Variants in NTM observed in about 807,000 individuals in gnomAD.
NTM encodes the protein neurotrimin, also known as IgLON family member 2.
NTM carries 13 observed loss-of-function variants against 42.1 expected under a neutral mutation model. The observed-to-expected ratio is 0.31, with a 90% CI of 0.20 to 0.49. The LOEUF (loss-of-function observed/expected upper bound fraction) is 0.49. Ranked by LOEUF, NTM falls within the 20% of genes least tolerant of loss-of-function variation. The pLI, the probability that NTM is intolerant of heterozygous loss-of-function variation, is 0.99. For synonymous variants in NTM, 187 were observed against 179.2 expected, an observed-to-expected ratio of 1.04 and a Z score of -0.35; for missense variants, 373 against 452.8, an observed-to-expected ratio of 0.82 and a Z score of 1.60.
intron 3 of NTM, among the ~76,000 whole-genome samples, chr11:132,197,236 C>A (rs1442153753): frequency 6.6e-6 from 1 of 152,006 alleles, no homozygotes; most frequent in Non-Finnish European, 1.5e-5. Context: ...TGCTCAAGTA[C>A]TGCTGAAAGA....
At chr11:131,778,673 G>A (rs1217673024) in intron 1 of NTM, among the ~76,000 whole-genome samples, 1 of 152,156 alleles carries the variant, frequency 6.6e-6, no homozygotes, top group Non-Finnish European at 1.5e-5. Context: ...TGCAGTACAG[G>A]AACTTTAGTC....
intron 1 of NTM, among the ~76,000 whole-genome samples, chr11:131,837,848 T>C (rs1383107720): frequency 6.6e-6 from 1 of 152,194 alleles, no homozygotes; most frequent in Non-Finnish European, 1.5e-5. Context: ...GGAACACATG[T>C]TCTAACTGGA....
At chr11:132,168,348 T>A (rs1591971613) in intron 3 of NTM, among the ~76,000 whole-genome samples, 1 of 152,218 alleles carries the variant, frequency 6.6e-6, no homozygotes, top group Non-Finnish European at 1.5e-5. Flanking sequence ...CCTGGGTTGC[T>A]GGTTAAAGGT....
At chr11:132,030,453 G>T (rs1040927806) in intron 2 of NTM, among the ~76,000 whole-genome samples, 1 of 152,080 alleles carries the variant, frequency 6.6e-6, no homozygotes, top group Admixed American at 6.6e-5. Context: ...TCGTTTTCTG[G>T]CCTATAGGCT....
At chr11:132,314,926 A>G (rs1057208894) in intron 7 of NTM, 8 of 1,317,442 alleles carry the variant, frequency 6.1e-6, no homozygotes, top group Non-Finnish European at 7.7e-6. Context: ...TACAGTTTAC[A>G]TGTATACAAA....
intron 4 of NTM, among the ~76,000 whole-genome samples, chr11:132,277,942 T>A (rs1170344089): frequency 2.0e-5 from 3 of 152,196 alleles, no homozygotes; most frequent in Non-Finnish European, 4.4e-5. Flanking sequence ...TATTTGCCAA[T>A]TACTTTTATA....
At chr11:131,974,924 G>T (rs189802753) in intron 2 of NTM, among the ~76,000 whole-genome samples, 1 of 152,114 alleles carries the variant, frequency 6.6e-6, no homozygotes, top group Admixed American at 6.5e-5. Flanking sequence ...TATCACAAAT[G>T]TCCTAAATTA....
rs2074632497 is a variant in NTM, at chr11:132,023,326, CTTAA to C, written c.167+111683_167+111686del. Among the ~76,000 whole-genome samples the C allele has an allele frequency of 2.6e-5, 4 of 152,294 alleles. No individual in the cohort carries two copies. The South Asian group carries it at 8.3e-4, about 32-fold the overall frequency. On this transcript the variant is annotated intron_variant, in intron 2 of 8. Coordinates refer to ENST00000683400, the MANE Select transcript of NTM (RefSeq NM_001352005.2). ...AATAATGTTGGAAAATTAAACCTCT[CTTAA>C]TTAAAGCTGATGGCAAACAAACACA...
chr11:132,304,168 GA>G (rs913304267), intron 4 of NTM, among the ~76,000 whole-genome samples: 1 of 152,178 alleles, frequency 6.6e-6, no homozygotes, highest in Non-Finnish European at 1.5e-5. Flanking sequence ...TGATGTGACA[GA>G]AAAATAAGGA....
chr11:131,541,536 T>A (rs1161869837), intron 1 of NTM, among the ~76,000 whole-genome samples: 3 of 152,192 alleles, frequency 2.0e-5, no homozygotes, highest in African/African-American at 7.2e-5. Flanking sequence ...TCAGTCAATT[T>A]TGTGAGCTAT....
At chr11:131,460,567 T>C (rs1951286022) in intron 1 of NTM, among the ~76,000 whole-genome samples, 1 of 152,136 alleles carries the variant, frequency 6.6e-6, no homozygotes, top group African/African-American at 2.4e-5. Context: ...TTTTTTTTCC[T>C]TCTGAGATGG....
chr11:131,400,370 G>A (rs1945005258), intron 1 of NTM, among the ~76,000 whole-genome samples: 1 of 152,136 alleles, frequency 6.6e-6, no homozygotes, highest in Non-Finnish European at 1.5e-5. Context: ...CAAAGCACCA[G>A]AGGAGCTCCA....
chr11:132,020,190 G>T (rs1258500151), intron 2 of NTM, among the ~76,000 whole-genome samples: 2 of 152,082 alleles, frequency 1.3e-5, no homozygotes, highest in Admixed American at 6.6e-5. Context: ...TGGCTGCGTA[G>T]TATTCCATGG....
chr11:131,935,599 G>A (rs1331808567), intron 2 of NTM, among the ~76,000 whole-genome samples: 2 of 152,136 alleles, frequency 1.3e-5, no homozygotes, highest in African/African-American at 4.8e-5. Context: ...CATGAGGATA[G>A]GTGGGGGAGG....
chr11:131,599,480 G>A lies in NTM; in HGVS notation c.82+228592G>A, dbSNP rs1455950323. Among the ~76,000 whole-genome samples the A allele has an allele frequency of 3.3e-5, 5 of 152,240 alleles. No individual in the cohort carries two copies. The East Asian group carries it at 5.8e-4, about 18-fold the overall frequency. ...CATGGATATTTGATGAGCAGTAAAC[G>A]GCTCTGCCACATCGATCTCAGCACC... On this transcript the variant is annotated intron_variant, in intron 1 of 8. Coordinates refer to ENST00000683400, the MANE Select transcript of NTM (RefSeq NM_001352005.2).
chr11:131,838,227 T>C (rs546325056), intron 1 of NTM, among the ~76,000 whole-genome samples: 8 of 152,114 alleles, frequency 5.3e-5, no homozygotes, highest in African/African-American at 1.9e-4. Flanking sequence ...GCATGCTCAG[T>C]GATCACTCAT....
intron 1 of NTM, among the ~76,000 whole-genome samples, chr11:131,812,183 CCTCTCTCTCTCTCTCTCTCT>C (rs145003478): frequency 2.7e-4 from 39 of 142,574 alleles, no homozygotes; most frequent in East Asian, 1.8e-3. Flanking sequence ...AATTAGTCAG[CCTCTCTCTCTCTCTCTCTCT>C]CTCTCTCTCT....
In NTM at chr11:132,125,800, CTGTG is replaced by C. The variant is rs944889333; in HGVS notation, c.168-20477_168-20474del. 2.5e-3 allele frequency among the ~76,000 whole-genome samples: 4 copies of C among 1,584 alleles called. No homozygotes were observed. In the East Asian group the frequency reaches 0.074, roughly 29 times the overall value. 1.0% of individuals were successfully genotyped at this position (1,584 alleles called of 152,430 possible). On this transcript the variant is annotated intron_variant, in intron 2 of 8. Coordinates refer to ENST00000683400, the MANE Select transcript of NTM (RefSeq NM_001352005.2). ...TGCATGTGTGTTGTGTGTTGTGTAT[CTGTG>C]TGTGCTGTGTGGTATGTGTGGTGTG... is the stretch of plus-strand genomic sequence containing the variant.
intron 2 of NTM, among the ~76,000 whole-genome samples, chr11:132,124,206 G>A (rs538396968): frequency 3.3e-5 from 5 of 151,802 alleles, no homozygotes; most frequent in Admixed American, 6.5e-5. Context: ...TCCCATCCCC[G>A]GATCTTCGAT....
Sources: gnomAD v4.1 joint callset for allele counts (sites outside exome capture counted in the v4.1 genomes callset) on GRCh38, gnomAD v4.1.1 for gene constraint, MANE v1.5 for transcripts, NCBI Gene and HGNC (gene_info 2026-07-23, HGNC 2026-07-21) for gene names.